Variants in CENPW observed in about 807,000 individuals in gnomAD.
CENPW encodes cancer-up-regulated gene 2 protein.
Under a neutral mutation model 11.1 loss-of-function variants are expected in CENPW, and 3 were observed. That is an observed-to-expected ratio of 0.27 (90% CI 0.12 to 0.70). The LOEUF is 0.70. Among genes scored for constraint, CENPW ranks in the 30% least tolerant of loss-of-function variants. The probability of loss-of-function intolerance (pLI) is 0.77; values close to 1 mark genes in which losing one functional copy is unlikely to be tolerated. For missense variants in CENPW, 100 were observed against 105.6 expected, an observed-to-expected ratio of 0.95 and a Z score of 0.23; for synonymous variants, 38 against 42.0, an observed-to-expected ratio of 0.91 and a Z score of 0.37.
the CENPW span, among the ~76,000 whole-genome samples, chr6:126,392,731 A>C: frequency 1.3e-5 from 2 of 151,958 alleles, no homozygotes; most frequent in Non-Finnish European, 2.9e-5. Flanking sequence ...ATTGATATTC[A>C]TCAGGGATAT....
chr6:126,364,612 C>T, the CENPW span, among the ~76,000 whole-genome samples: 1 of 152,192 alleles, frequency 6.6e-6, no homozygotes, highest in South Asian at 2.1e-4. Flanking sequence ...CTGGTGTTAT[C>T]CCTACCCCTA....
At chr6:126,476,833 G>T in the CENPW span, among the ~76,000 whole-genome samples, 25 of 152,018 alleles carry the variant, frequency 1.6e-4, no homozygotes. Context: ...ATCATAAAGA[G>T]AAGAATTGTG....
chr6:126,363,441 C>G, the CENPW span, among the ~76,000 whole-genome samples: 1 of 152,208 alleles, frequency 6.6e-6, no homozygotes, highest in East Asian at 1.9e-4. Context: ...ATAGTAGCTT[C>G]TTTCTTTAGA....
the CENPW span, among the ~76,000 whole-genome samples, chr6:126,373,189 G>T: frequency 6.6e-6 from 1 of 152,082 alleles, no homozygotes; most frequent in Non-Finnish European, 1.5e-5. Flanking sequence ...GTAACCTAAA[G>T]AAATTAGATG....
chr6:126,478,328 T>C, the CENPW span, among the ~76,000 whole-genome samples: 1 of 151,642 alleles, frequency 6.6e-6, no homozygotes, highest in South Asian at 2.1e-4. Context: ...TCATTTTTCC[T>C]CCAGCCCACT....
At chr6:126,459,901 T>C in the CENPW span, among the ~76,000 whole-genome samples, 4 of 151,572 alleles carry the variant, frequency 2.6e-5, no homozygotes, top group African/African-American at 9.7e-5. Context: ...AATAATGTCC[T>C]GACAATGTTT....
the CENPW span, among the ~76,000 whole-genome samples, chr6:126,427,608 T>G: frequency 1.3e-5 from 2 of 152,236 alleles, no homozygotes. Flanking sequence ...CAAGAAAGTT[T>G]CAGATCACTT....
At chr6:126,451,533 A>AT in the CENPW span, among the ~76,000 whole-genome samples, 1 of 151,022 alleles carries the variant, frequency 6.6e-6, no homozygotes, top group Non-Finnish European at 1.5e-5. Flanking sequence ...TTCTTGAGTT[A>AT]TTTTTTCTCT....
At chr6:126,417,798 T>C in the CENPW span, among the ~76,000 whole-genome samples, 2 of 152,154 alleles carry the variant, frequency 1.3e-5, no homozygotes, top group Non-Finnish European at 2.9e-5. Context: ...TTTGGTAATA[T>C]GAAAAGGTGC....
At chr6:126,385,921 A>G in the CENPW span, among the ~76,000 whole-genome samples, 5 of 152,268 alleles carry the variant, frequency 3.3e-5, no homozygotes, top group South Asian at 1.0e-3. Flanking sequence ...ATACATTCAT[A>G]TTGAAAAGAA....
chr6:126,426,103 T>C, the CENPW span, among the ~76,000 whole-genome samples: 2 of 152,192 alleles, frequency 1.3e-5, no homozygotes, highest in African/African-American at 4.8e-5. Context: ...GAATAAAACA[T>C]ATAGACACAA....
the CENPW span, among the ~76,000 whole-genome samples, chr6:126,421,752 G>A: frequency 7.2e-5 from 11 of 152,086 alleles, no homozygotes; most frequent in East Asian, 1.2e-3. Flanking sequence ...GATTGTAGCC[G>A]AATGAATGCA....
chr6:126,342,750 G>A (rs1002947852), intron 1 of CENPW, among the ~76,000 whole-genome samples: 3 of 151,998 alleles, frequency 2.0e-5, no homozygotes, highest in Non-Finnish European at 2.9e-5. Context: ...TCTGCCACTA[G>A]TCTGGGAACT....
At chr6:126,460,335 G>T in the CENPW span, among the ~76,000 whole-genome samples, 1 of 151,686 alleles carries the variant, frequency 6.6e-6, no homozygotes, top group South Asian at 2.1e-4. Context: ...AAATTAAATT[G>T]CTCTCAATTT....
the CENPW span, among the ~76,000 whole-genome samples, chr6:126,463,944 T>C: frequency 6.6e-6 from 1 of 152,004 alleles, no homozygotes; most frequent in African/African-American, 2.4e-5. Flanking sequence ...TTCTGGCCTC[T>C]TCTATGAGGC....
the CENPW span, among the ~76,000 whole-genome samples, chr6:126,386,811 A>G: frequency 6.6e-6 from 1 of 152,014 alleles, no homozygotes; most frequent in Non-Finnish European, 1.5e-5. Flanking sequence ...TAGTCTAATT[A>G]TAGTAAATAT....
intron 2 of CENPW, among the ~76,000 whole-genome samples, 157 bp from the exon 3 acceptor site, chr6:126,348,309 C>T (rs1468914594): frequency 1.3e-5 from 2 of 152,002 alleles, no homozygotes; most frequent in East Asian, 3.9e-4. Flanking sequence ...ACAAAAGATT[C>T]CCTAATCACC....
At chr6:126,441,668 T>C in the CENPW span, among the ~76,000 whole-genome samples, 1 of 151,490 alleles carries the variant, frequency 6.6e-6, no homozygotes, top group Admixed American at 6.6e-5. Flanking sequence ...TGCATCCTCA[T>C]AGTTTAGCCC....
At chr6:126,366,288 T>G in the CENPW span, among the ~76,000 whole-genome samples, 1 of 152,180 alleles carries the variant, frequency 6.6e-6, no homozygotes, top group Non-Finnish European at 1.5e-5. Flanking sequence ...AGAATACATA[T>G]ATTTTATTAG....
Sources: allele counts gnomAD v4.1 joint callset (sites outside exome capture counted in the v4.1 genomes callset), GRCh38; gene constraint gnomAD v4.1.1; transcripts MANE v1.5; gene names NCBI Gene and HGNC (gene_info 2026-07-23, HGNC 2026-07-21).